DPF2: variants seen among roughly 807,000 people sequenced by gnomAD.
DPF2 encodes double PHD fingers 2, also known as zinc finger protein ubi-d4.
Under a neutral mutation model 59.6 loss-of-function variants are expected in DPF2, and 10 were observed. The observed-to-expected ratio is 0.17, with a 90% confidence interval of 0.10 to 0.28. The LOEUF is 0.28. DPF2 is among the 10% of genes least tolerant of loss of function. DPF2 has a pLI of 1.00. For synonymous variants in DPF2, 189 were observed against 190.6 expected, an observed-to-expected ratio of 0.99 and a Z score of 0.07; for missense variants, 315 against 509.4, an observed-to-expected ratio of 0.62 and a Z score of 3.67.
At chr11:65,341,210 C>T (rs888586244) in intron 3 of DPF2, 137 bp downstream of exon 3, 12 of 1,257,100 alleles carry the variant, frequency 9.5e-6, no homozygotes, top group Admixed American at 6.7e-5. Flanking sequence ...CTTTAAGGAC[C>T]TCAGTCTAGA....
intron 4 of DPF2, chr11:65,341,794 C>A: frequency 2.0e-6 from 1 of 491,652 alleles, no homozygotes. Flanking sequence ...TATTATTATA[C>A]ACATATATAA....
chr11:65,337,896 C>T (rs1310839032), intron 1 of DPF2, among the ~76,000 whole-genome samples: 1 of 152,072 alleles, frequency 6.6e-6, no homozygotes, highest in African/African-American at 2.4e-5. Context: ...CCTCCGCCTC[C>T]CAGGTTCAAG....
At chr11:65,334,981 T>TA (rs1368599313) in intron 1 of DPF2, among the ~76,000 whole-genome samples, 1 of 152,176 alleles carries the variant, frequency 6.6e-6, no homozygotes, top group Non-Finnish European at 1.5e-5. Flanking sequence ...AGAGCCTTTT[T>TA]AAAGAGTAAG....
intron 9 of DPF2, 40 bp from the exon 10 acceptor site, chr11:65,348,810 G>A (rs1249412681): frequency 1.2e-6 from 2 of 1,608,866 alleles, no homozygotes; most frequent in Admixed American, 1.7e-5. Context: ...AGGCACATCA[G>A]TTATTCAGTC....
At position 65,337,965 on chromosome 11, in the gene DPF2, C is replaced by T. The variant is rs539437530; in HGVS notation, c.33-2420C>T. 1.5e-4 allele frequency among the ~76,000 whole-genome samples: 23 copies of T among 152,146 alleles called. 1 individual carries two copies. In the South Asian group the frequency reaches 2.3e-3, roughly 15 times the overall value. On this transcript the variant is annotated intron_variant, in intron 1 of 10. Transcript: ENST00000528416. ...GATTATGGTCATGTACCACCACGCC[C>T]GGCTAATTTTGTATTTTTAGTAGAG...
intron 6 of DPF2, chr11:65,344,548 T>G: frequency 8.5e-6 from 13 of 1,533,732 alleles, no homozygotes; most frequent in Non-Finnish European, 1.1e-5. Context: ...TATCAAGGCC[T>G]TCTTCTCATG....
At chr11:65,348,521 C>T (rs539328905) in intron 9 of DPF2, 2 of 236,266 alleles carry the variant, frequency 8.5e-6, no homozygotes, top group South Asian at 7.6e-5. Flanking sequence ...GTCAAGGCTG[C>T]AGTGAGCCGT....
intron 1 of DPF2, 130 bp downstream of exon 1, chr11:65,334,048 G>T: frequency 1.5e-6 from 2 of 1,338,942 alleles, no homozygotes. Context: ...ACTCCTGGTG[G>T]GGAGGGCAAC....
At chr11:65,346,511 GATT>G in intron 9 of DPF2, 152 bp downstream of exon 9, 1 of 646,170 alleles carries the variant, frequency 1.5e-6, no homozygotes, top group Non-Finnish European at 2.6e-6. Context: ...TCAGAACTCT[GATT>G]TGTTGCCAGA....
At chr11:65,345,364 C>A in intron 6 of DPF2, 1 of 396,438 alleles carries the variant, frequency 2.5e-6, no homozygotes. Context: ...TTAGTATATC[C>A]CAGAGCAACT....
intron 1 of DPF2, 122 bp from the exon 2 acceptor site, chr11:65,340,263 G>A (rs1017288197): frequency 9.5e-6 from 11 of 1,157,794 alleles, no homozygotes; most frequent in African/African-American, 4.6e-5. Flanking sequence ...CAAATAGAAC[G>A]GAAGAGACAG....
chr11:65,333,859 C>A lies in DPF2; in HGVS notation c.-28C>A. 6.2e-7 allele frequency: 1 copy of A among 1,613,658 alleles called. No homozygotes were observed. Among genetic ancestry groups the A allele is most frequent in the Non-Finnish European group, 8.5e-7 (1 of 1,179,892 alleles). ...CTGCGCGCTGCGGACTGTGGGGCTT[C>A]TCGGCCCGAGGCAGAGGAACAGGGA... On this transcript the variant is annotated 5_prime_UTR_variant, in exon 1 of 11. Coordinates refer to ENST00000528416, the MANE Select transcript of DPF2 (RefSeq NM_006268.5).
chr11:65,340,994 C>T lies in DPF2; in HGVS notation c.222C>T (p.Tyr74=). 2 of 1,614,132 alleles carry T rather than the reference C, an allele frequency of 1.2e-6. No homozygotes were observed. Among genetic ancestry groups the T allele is most frequent in the Non-Finnish European group, 1.7e-6 (2 of 1,180,046 alleles). The part of the protein sequence containing the change: ...PGLASGQLYS[Y]PARRWRKKRR... The stretch of plus-strand genomic sequence containing the variant: ...TGGCCTCCGGACAGCTGTACTCCTA[C>T]CCTGCCCGGCGCTGGCGGAAAAAGC... The change falls in exon 3 of 11, where the codon TAC becomes TAT. Residue 74 remains tyrosine (Y), a synonymous_variant. Transcript: ENST00000528416.
Position 65,341,807 on chromosome 11 carries a change from T to C in DPF2, c.465+245T>C, listed in dbSNP as rs114279317. Reference sequence around the variant, plus strand: ...GTTATTATTATACACATATATAATTTTCATTAAAAAAATTAAAATAGGCCA... The same window carrying C: ...GTTATTATTATACACATATATAATTCTCATTAAAAAAATTAAAATAGGCCA... On this transcript the variant is annotated intron_variant, in intron 4 of 10. Coordinates refer to ENST00000528416, the MANE Select transcript of DPF2 (RefSeq NM_006268.5). 3.1e-3 allele frequency: 1,255 copies of C among 402,530 alleles called. 13 individuals carry two copies. The highest frequency in any genetic ancestry group is 0.022 in the African/African-American group (1,119 of 50,216). 24.9% of individuals were successfully genotyped at this position (402,530 alleles called of 1,614,324 possible).
At chr11:65,341,992 G>A (rs1380949259) in intron 4 of DPF2, 2 of 157,532 alleles carry the variant, frequency 1.3e-5, no homozygotes, top group Non-Finnish European at 2.8e-5. Flanking sequence ...AGCAGCATGC[G>A]CCTGTTGTCC....
intron 1 of DPF2, among the ~76,000 whole-genome samples, chr11:65,339,114 A>G (rs889314159): frequency 6.6e-6 from 1 of 152,118 alleles, no homozygotes; most frequent in African/African-American, 2.4e-5. Context: ...CCCTTGGTTT[A>G]AGATTGATTG....
chr11:65,340,345 C>T (rs368128402), intron 1 of DPF2, 40 bp from the exon 2 acceptor site: 51 of 1,605,600 alleles, frequency 3.2e-5, no homozygotes, highest in Non-Finnish European at 4.3e-5. Context: ...CCTATGCCCC[C>T]CGCTCCAACA....
chr11:65,351,940 C>T lies in DPF2; in HGVS notation c.*181C>T, dbSNP rs1854709914. 1.6e-6 allele frequency: 1 copy of T among 643,166 alleles called. No homozygotes were observed. Among genetic ancestry groups the T allele is most frequent in the Admixed American group, 2.8e-5 (1 of 35,330 alleles). The allele number at this position is 643,166 out of a possible 1,614,324, so 39.8% of individuals were successfully genotyped here. ...GTGGCAGCTCTGACCACCTCTGGCCCCAGGCCCTCAGGGAGAAAGGAGCAA... is the reference window on the plus strand; with the variant it reads ...GTGGCAGCTCTGACCACCTCTGGCCTCAGGCCCTCAGGGAGAAAGGAGCAA... On this transcript the variant is annotated 3_prime_UTR_variant, in exon 11 of 11. Coordinates refer to ENST00000528416, the MANE Select transcript of DPF2 (RefSeq NM_006268.5).
chr11:65,344,964 C>T lies in DPF2; in HGVS notation c.638-702C>T, dbSNP rs948744697. On this transcript the variant is annotated intron_variant, in intron 6 of 10. Coordinates refer to ENST00000528416, the MANE Select transcript of DPF2 (RefSeq NM_006268.5). ...ATGTTCCCCACTGCCCCACCACCTC[C>T]TCCTGCCATCCTCTCTCCCCACTCC... is the stretch of plus-strand genomic sequence containing the variant. 2.7e-5 allele frequency: 9 copies of T among 334,474 alleles called. No individual in the cohort carries two copies. In the Admixed American group the frequency reaches 3.2e-4, roughly 12 times the overall value. 20.7% of individuals were successfully genotyped at this position (334,474 alleles called of 1,614,324 possible). A position where few individuals can be genotyped will look rare whatever the true frequency, so the allele number is the denominator to read the frequency against.
Sources: allele counts gnomAD v4.1 joint callset (sites outside exome capture counted in the v4.1 genomes callset), GRCh38; gene constraint gnomAD v4.1.1; transcripts MANE v1.5; gene names NCBI Gene and HGNC (gene_info 2026-07-23, HGNC 2026-07-21).